ARID1B: variants seen among roughly 807,000 people sequenced by gnomAD.
ARID1B encodes AT-rich interaction domain 1B.
In ARID1B, 30 loss-of-function variants were observed where a neutral mutation model predicts 212.3. The observed-to-expected ratio is 0.14, with a 90% CI of 0.11 to 0.19. The LOEUF (loss-of-function observed/expected upper bound fraction) is 0.19. Among genes scored for constraint, ARID1B ranks in the 10% least tolerant of loss-of-function variants. The pLI is 1.00. For synonymous variants in ARID1B, 1,402 were observed against 1,301.7 expected (o/e 1.08, Z -1.66); for missense variants, 2,891 against 3,204.0 (o/e 0.90, Z 2.36).
At chr6:156,903,907 C>T (rs938303690) in intron 3 of ARID1B, among the ~76,000 whole-genome samples, 4 of 152,026 alleles carry the variant, frequency 2.6e-5, no homozygotes, top group African/African-American at 7.2e-5. Flanking sequence ...CTTGTTAATG[C>T]GATTGATACA....
intron 6 of ARID1B, among the ~76,000 whole-genome samples, chr6:157,130,524 G>C (rs1382087240): frequency 6.6e-6 from 1 of 152,140 alleles, no homozygotes; most frequent in Non-Finnish European, 1.5e-5. Context: ...TTCTATGATG[G>C]TTTATATCTG....
chr6:157,069,873 AGC>A (rs1280187450), intron 4 of ARID1B, among the ~76,000 whole-genome samples: 1 of 152,204 alleles, frequency 6.6e-6, no homozygotes, highest in Non-Finnish European at 1.5e-5. Context: ...AACTACATGA[AGC>A]GGCATTCCAG....
At chr6:157,071,199 A>G (rs1783984784) in intron 4 of ARID1B, 1 of 152,206 alleles carries the variant, frequency 6.6e-6, no homozygotes, top group South Asian at 2.1e-4. Context: ...AAAAATTCAG[A>G]AGAGGACAGG....
At chr6:157,115,733 CT>C (rs1376448618) in intron 6 of ARID1B, among the ~76,000 whole-genome samples, 5 of 152,156 alleles carry the variant, frequency 3.3e-5, no homozygotes, top group Non-Finnish European at 7.4e-5. Context: ...AGCGGAACTT[CT>C]TTTTAACTAA....
At chr6:157,131,817 A>G (rs545332397) in intron 6 of ARID1B, among the ~76,000 whole-genome samples, 2 of 152,144 alleles carry the variant, frequency 1.3e-5, no homozygotes, top group South Asian at 4.1e-4. Flanking sequence ...CAGCCTCCTG[A>G]GTAGCTGGGA....
chr6:157,018,212 CTTTT>C (rs1208883079), intron 4 of ARID1B, among the ~76,000 whole-genome samples: 2 of 72,432 alleles, frequency 2.8e-5, no homozygotes, highest in Non-Finnish European at 4.6e-5. Flanking sequence ...AAGTAGTATG[CTTTT>C]TTTTTTTTTT....
At chr6:157,081,008 G>A (rs1562601063) in intron 4 of ARID1B, among the ~76,000 whole-genome samples, 2 of 152,210 alleles carry the variant, frequency 1.3e-5, no homozygotes, top group Admixed American at 1.3e-4. Context: ...ATCACATGAT[G>A]ATAGCAAAAT....
chr6:156,824,846 C>T (rs963946955), intron 1 of ARID1B, among the ~76,000 whole-genome samples: 34 of 151,866 alleles, frequency 2.2e-4, no homozygotes, highest in African/African-American at 8.2e-4. Context: ...TTTTGTTTTC[C>T]AGAAGTCTTA....
At chr6:157,115,356 C>T (rs1394014376) in intron 6 of ARID1B, among the ~76,000 whole-genome samples, 1 of 152,134 alleles carries the variant, frequency 6.6e-6, no homozygotes, top group African/African-American at 2.4e-5. Flanking sequence ...ATAGTATTGC[C>T]TCCTCTACAT....
In ARID1B at chr6:156,889,092, A is replaced by G. The variant is rs569041516; in HGVS notation, c.1987-12284A>G. ...GCTGTGACAGTTTAGGAAAGACCACATTTTAAAATGCCAGCTCTGTTTTCT... is the reference window on the plus strand; with the variant it reads ...GCTGTGACAGTTTAGGAAAGACCACGTTTTAAAATGCCAGCTCTGTTTTCT... On this transcript the variant is annotated intron_variant, in intron 2 of 19. Transcript: ENST00000636930. Among the ~76,000 whole-genome samples the G allele has an allele frequency of 3.9e-5, 6 of 152,344 alleles. No homozygotes were observed. The South Asian group carries it at 8.3e-4, about 21-fold the overall frequency.
At chr6:157,199,692 G>A (rs1793970405) in intron 17 of ARID1B, among the ~76,000 whole-genome samples, 1 of 150,952 alleles carries the variant, frequency 6.6e-6, no homozygotes, top group Non-Finnish European at 1.5e-5. Flanking sequence ...CTTTTTTTGA[G>A]ATGGAGTCTC....
intron 4 of ARID1B, among the ~76,000 whole-genome samples, chr6:157,021,030 C>T (rs554361733): frequency 6.6e-6 from 1 of 152,240 alleles, no homozygotes; most frequent in East Asian, 1.9e-4. Flanking sequence ...AATCTCCCGC[C>T]CACCCGTCCC....
rs1345935671 is a variant in ARID1B, at chr6:156,778,805, C to T, written c.1125C>T (p.Asn375=). 6.7e-7 allele frequency: 1 copy of T among 1,498,274 alleles called. No homozygotes were observed. Among genetic ancestry groups the T allele is most frequent in the Admixed American group, 2.2e-5 (1 of 46,388 alleles). The allele number at this position is 1,498,274 out of a possible 1,614,324, so 92.8% of individuals were successfully genotyped here. Residue 375 remains asparagine (N), a synonymous_variant, in exon 1 of 20, where the codon AAC becomes AAT. Transcript: ENST00000636930. ...AGAACTCCCACGAAGGGTACCCCAACAGCCAGTGCAACCATTATCCGGGCT... is the reference window on the plus strand; with the variant it reads ...AGAACTCCCACGAAGGGTACCCCAATAGCCAGTGCAACCATTATCCGGGCT... The part of the protein sequence containing the change: ...PLQNSHEGYP[N]SQCNHYPGYS...
intron 9 of ARID1B, among the ~76,000 whole-genome samples, chr6:157,170,980 T>C (rs895551185): frequency 2.6e-5 from 4 of 152,234 alleles, no homozygotes; most frequent in African/African-American, 9.6e-5. Context: ...TCTGGTATAT[T>C]ACCATGAAAT....
At chr6:156,812,958 GTGTGTGTGTGTGTGTGTGTA>G (rs1189285082) in intron 1 of ARID1B, among the ~76,000 whole-genome samples, 2 of 118,126 alleles carry the variant, frequency 1.7e-5, no homozygotes, top group African/African-American at 3.0e-5. Context: ...GTGTGTGTGT[GTGTGTGTGTGTGTGTGTGTA>G]TGTATATACA....
chr6:156,913,248 G>T (rs1307159063), intron 3 of ARID1B, among the ~76,000 whole-genome samples: 2 of 134,046 alleles, frequency 1.5e-5, no homozygotes, highest in African/African-American at 2.9e-5. Flanking sequence ...ACAGAGTATC[G>T]CCCTGTCACT....
At chr6:156,804,867 C>CA (rs61315445) in intron 1 of ARID1B, among the ~76,000 whole-genome samples, 24,904 of 84,636 alleles carry the variant, frequency 0.29, 3,373 homozygotes, top group Non-Finnish European at 0.33. Flanking sequence ...ATCTGATTGG[C>CA]AAAAAAAAAA....
At chr6:156,863,079 C>T (rs1392076888) in intron 2 of ARID1B, among the ~76,000 whole-genome samples, 1 of 152,050 alleles carries the variant, frequency 6.6e-6, no homozygotes, top group Non-Finnish European at 1.5e-5. Context: ...TTGACTTGAC[C>T]CTGTACTTCC....
In ARID1B at chr6:156,975,839, A is replaced by G. The variant is rs902734903; in HGVS notation, c.2247+40263A>G. ...ACCACCAGGCAAGCTTTACGTGAAC[A>G]GTAAAGCTTTTTTATTTCACCTGGG... On this transcript the variant is annotated intron_variant, in intron 4 of 19. Transcript: ENST00000636930. Among the ~76,000 whole-genome samples, 11 of 152,232 alleles carry G rather than the reference A, an allele frequency of 7.2e-5. 1 individual carries two copies. In the Middle Eastern group the frequency reaches 0.014, roughly 188 times the overall value.
Sources: gnomAD v4.1 joint callset for allele counts (sites outside exome capture counted in the v4.1 genomes callset) on GRCh38, gnomAD v4.1.1 for gene constraint, MANE v1.5 for transcripts, NCBI Gene and HGNC (gene_info 2026-07-23, HGNC 2026-07-21) for gene names.